RAB3GAP2: variants seen among roughly 807,000 people sequenced by gnomAD.
RAB3GAP2 encodes rab3 GTPase-activating protein non-catalytic subunit.
A neutral mutation model predicts 185.3 loss-of-function variants in RAB3GAP2; 87 were observed. The observed-to-expected ratio is 0.47, with a 90% CI of 0.39 to 0.56. The LOEUF is 0.56. Ranked by LOEUF, RAB3GAP2 falls within the 20% of genes least tolerant of loss-of-function variation. The pLI is 0.00. For missense variants in RAB3GAP2, 1,492 were observed against 1,638.2 expected (o/e 0.91, Z 1.54); for synonymous variants, 554 against 576.1 (o/e 0.96, Z 0.55).
intron 21 of RAB3GAP2, among the ~76,000 whole-genome samples, chr1:220,181,231 C>A (rs892416666): frequency 1.4e-4 from 21 of 152,326 alleles, no homozygotes; most frequent in African/African-American, 5.1e-4. Context: ...AAGGGATCCT[C>A]ATGCCTCAGC....
chr1:220,250,014 C>T (rs1210943327), intron 1 of RAB3GAP2, among the ~76,000 whole-genome samples: 3 of 152,166 alleles, frequency 2.0e-5, no homozygotes. Context: ...ATGTGGGGTA[C>T]AAGCCCCCAC....
intron 2 of RAB3GAP2, among the ~76,000 whole-genome samples, chr1:220,231,406 T>C (rs1380794801): frequency 2.0e-5 from 3 of 152,240 alleles, no homozygotes; most frequent in Admixed American, 2.0e-4. Context: ...AGTCACTTGC[T>C]ATCACATTAC....
chr1:220,222,772 A>G (rs1489294830), intron 2 of RAB3GAP2, among the ~76,000 whole-genome samples: 1 of 152,072 alleles, frequency 6.6e-6, no homozygotes, highest in Admixed American at 6.6e-5. Context: ...CCTTCTATTC[A>G]TATAGTGCCA....
chr1:220,198,191 A>C (rs1426598707), intron 9 of RAB3GAP2, among the ~76,000 whole-genome samples: 1 of 152,142 alleles, frequency 6.6e-6, no homozygotes, highest in Non-Finnish European at 1.5e-5. Context: ...CCTCTGGCTA[A>C]ATCTTAATCT....
At position 220,151,269 on chromosome 1, in the gene RAB3GAP2, T is replaced by TA; in HGVS notation, c.4163dup (p.Ser1389IlefsTer13). 10 of 1,614,008 alleles carry TA rather than the reference T, an allele frequency of 6.2e-6. No individual in the cohort carries two copies. The highest frequency in any genetic ancestry group is 8.5e-6 in the Non-Finnish European group (10 of 1,179,964). ...GTAAGTGTCATAAAGAAGGAAGAGATATGGCTTCCACAGCTTCAATGAGGT... is the reference window on the plus strand; with the variant it reads ...GTAAGTGTCATAAAGAAGGAAGAGATAATGGCTTCCACAGCTTCAATGAGGT... On this transcript the variant is annotated frameshift_variant, in exon 35 of 35. Transcript: ENST00000358951. LOFTEE classifies it high-confidence loss of function.
intron 8 of RAB3GAP2, among the ~76,000 whole-genome samples, chr1:220,202,894 G>A (rs1050138300): frequency 3.9e-5 from 6 of 152,194 alleles, no homozygotes; most frequent in African/African-American, 1.4e-4. Flanking sequence ...AGTAAGCTGA[G>A]ATCACGCCAC....
chr1:220,217,234 G>A (rs1053954220), intron 2 of RAB3GAP2, among the ~76,000 whole-genome samples: 25 of 151,912 alleles, frequency 1.6e-4, no homozygotes, highest in African/African-American at 5.8e-4. Context: ...CTTGAGATTT[G>A]ACTCTAATCT....
Position 220,190,443 on chromosome 1 carries a change from A to C in RAB3GAP2, c.1565T>G (p.Ile522Ser). 6.2e-7 allele frequency: 1 copy of C among 1,613,934 alleles called. No homozygotes were observed. The highest frequency in any genetic ancestry group is 8.5e-7 in the Non-Finnish European group (1 of 1,179,818). ...SQSWQPQTYQ[I>S]CLVDPVSGSV... is the part of the protein sequence containing the mutation. ...TCCAGACACTGGATCAACCAGACAGATCTGATAAGTCTGTGGCTGCCAACT... is the reference window on the plus strand; with the variant it reads ...TCCAGACACTGGATCAACCAGACAGCTCTGATAAGTCTGTGGCTGCCAACT... The change falls in exon 15 of 35, where the codon ATC becomes AGC. Residue 522 changes from isoleucine to serine, a missense_variant. Coordinates refer to ENST00000358951, the MANE Select transcript of RAB3GAP2 (RefSeq NM_012414.4).
rs1306251110 is a variant in RAB3GAP2, at chr1:220,191,286, T to C, written c.1271-2A>G. On this transcript the variant is annotated splice_acceptor_variant, in intron 13 of 34. Coordinates refer to ENST00000358951, the MANE Select transcript of RAB3GAP2 (RefSeq NM_012414.4). LOFTEE classifies it high-confidence loss of function. Reference sequence around the variant, plus strand: ...ATCCAATTTGTGCGTCGCGGTACCCTTAGAGACAGAGGTAAAGGGAAGTTA... The same window carrying C: ...ATCCAATTTGTGCGTCGCGGTACCCCTAGAGACAGAGGTAAAGGGAAGTTA... 6.4e-7 allele frequency: 1 copy of C among 1,573,966 alleles called. No individual in the cohort carries two copies. The highest frequency in any genetic ancestry group is 1.1e-5 in the South Asian group (1 of 90,272).
intron 31 of RAB3GAP2, among the ~76,000 whole-genome samples, chr1:220,155,576 T>C (rs954457957): frequency 6.6e-6 from 1 of 152,230 alleles, no homozygotes; most frequent in African/African-American, 2.4e-5. Flanking sequence ...TACTTCATGT[T>C]GAATACAAGG....
chr1:220,204,485 A>T (rs945265564), intron 8 of RAB3GAP2, among the ~76,000 whole-genome samples: 1 of 152,194 alleles, frequency 6.6e-6, no homozygotes, highest in Non-Finnish European at 1.5e-5. Flanking sequence ...ATTATCAGCC[A>T]TTTAATTTTT....
intron 4 of RAB3GAP2, 34 bp downstream of exon 4, chr1:220,212,853 A>G: frequency 6.6e-7 from 1 of 1,507,434 alleles, no homozygotes; most frequent in Non-Finnish European, 9.2e-7. Context: ...CATACATGTA[A>G]CACACAGAGA....
rs188226360 is a variant in RAB3GAP2, at chr1:220,244,036, C to T, written c.116-11173G>A. 1.3e-3 allele frequency among the ~76,000 whole-genome samples: 199 copies of T among 152,276 alleles called. 1 individual carries two copies. Among genetic ancestry groups the T allele is most frequent in the Middle Eastern group, 3.4e-3 (1 of 294 alleles). ...GGCAACTTTTACCACTTCTATTCAA[C>T]ATAGTACTGGAAGTCCTCACAAGAC... On this transcript the variant is annotated intron_variant, in intron 1 of 34. Coordinates refer to ENST00000358951, the MANE Select transcript of RAB3GAP2 (RefSeq NM_012414.4).
At chr1:220,154,203 A>G in intron 31 of RAB3GAP2, 146 bp from the exon 32 acceptor site, 1 of 1,176,884 alleles carries the variant, frequency 8.5e-7, no homozygotes, top group South Asian at 1.6e-5. Context: ...TTTTATAACA[A>G]TTATCTAGTA....
intron 6 of RAB3GAP2, 51 bp downstream of exon 6, chr1:220,210,750 C>T: frequency 6.6e-7 from 1 of 1,509,234 alleles, no homozygotes; most frequent in Non-Finnish European, 9.2e-7. Context: ...TGATGCATAA[C>T]CAGATATTGC....
intron 1 of RAB3GAP2, among the ~76,000 whole-genome samples, chr1:220,257,474 T>C (rs1660053323): frequency 6.6e-6 from 1 of 151,826 alleles, no homozygotes; most frequent in Non-Finnish European, 1.5e-5. Context: ...CCTGAATGAC[T>C]TTTGGGTAAA....
In RAB3GAP2 at chr1:220,213,951, T is replaced by C. The variant is rs781615850; in HGVS notation, c.209A>G (p.Gln70Arg). 3 of 1,613,500 alleles carry C rather than the reference T, an allele frequency of 1.9e-6. No homozygotes were observed. Among genetic ancestry groups the C allele is most frequent in the Non-Finnish European group, 2.5e-6 (3 of 1,179,548 alleles). The stretch of plus-strand genomic sequence containing the variant: ...ACAATCTTGGAGCCAGGAAGTTTTT[T>C]GTGTTTTGCAAGTATTTCCTTCTTC... ...PEEEGNTCKT[Q>R]KTSWLQDCVL... The change falls in exon 3 of 35, where the codon CAA becomes CGA. Residue 70 changes from glutamine to arginine, a missense_variant. Physicochemically the swap from Gln to Arg is conservative, Grantham distance 43. Around this residue, in one of 5 missense-constraint regions of RAB3GAP2, gnomAD observed 177 missense variants for 160.6 expected, o/e 1.10. Coordinates refer to ENST00000358951, the MANE Select transcript of RAB3GAP2 (RefSeq NM_012414.4).
rs1659979562 is a variant in RAB3GAP2, at chr1:220,253,622, T to C, written c.115+18601A>G. ...AAATTCCAGGAGGGTGAGCGAGTGC[T>C]GTGCTTTCATGGGCCTCTTCTTTAT... is the stretch of plus-strand genomic sequence containing the variant. On this transcript the variant is annotated intron_variant, in intron 1 of 34. Transcript: ENST00000358951. 1.5e-5 allele frequency: 23 copies of C among 1,577,818 alleles called. No individual in the cohort carries two copies. The South Asian group carries it at 2.5e-4, about 17-fold the overall frequency.
chr1:220,239,499 G>A (rs1361837994), intron 1 of RAB3GAP2, among the ~76,000 whole-genome samples: 2 of 152,066 alleles, frequency 1.3e-5, no homozygotes, highest in East Asian at 1.9e-4. Context: ...CCAAAGTGCT[G>A]GGATTACAGA....
Sources: gnomAD v4.1 joint callset for allele counts (sites outside exome capture counted in the v4.1 genomes callset) on GRCh38, gnomAD v4.1.1 for gene constraint, gnomAD v4.1.1 regional missense constraint, MANE v1.5 for transcripts, NCBI Gene and HGNC (gene_info 2026-07-23, HGNC 2026-07-21) for gene names.